Variants in PRELID2 observed in about 807,000 individuals in gnomAD.
PRELID2 encodes PRELI domain containing 2.
PRELID2 carries 25 observed loss-of-function variants against 28.4 expected under a neutral mutation model. The observed-to-expected ratio is 0.88, with a 90% confidence interval of 0.64 to 1.23. The LOEUF (loss-of-function observed/expected upper bound fraction) is 1.23, where lower values mean the gene tolerates loss of function less well. Ranked by LOEUF, PRELID2 falls within the 50% of genes most tolerant of loss-of-function variation. PRELID2 has a pLI of 0.00. For missense variants in PRELID2, 201 were observed against 214.4 expected, an observed-to-expected ratio of 0.94 and a Z score of 0.39; for synonymous variants, 76 against 71.6, an observed-to-expected ratio of 1.06 and a Z score of -0.31.
At chr5:145,342,902 T>TAAAAAAAAAAAAA in the PRELID2 span, among the ~76,000 whole-genome samples, 1 of 128,972 alleles carries the variant, frequency 7.8e-6, no homozygotes, top group Non-Finnish European at 1.7e-5. Context: ...TCAAAAACAG[T>TAAAAAAAAAAAAA]AAAAAAAAAA....
intron 1 of PRELID2, chr5:145,728,276 T>A (rs1186775368): frequency 3.8e-6 from 1 of 260,942 alleles, no homozygotes; most frequent in East Asian, 9.4e-5. Flanking sequence ...TCTGTCCCTA[T>A]GATACCTGTT....
intron 1 of PRELID2, among the ~76,000 whole-genome samples, chr5:145,714,875 T>C (rs1303041227): frequency 6.6e-6 from 1 of 152,146 alleles, no homozygotes; most frequent in Admixed American, 6.6e-5. Context: ...CTGTCTTTTT[T>C]CTGGGCTCCG....
the PRELID2 span, among the ~76,000 whole-genome samples, chr5:145,407,474 G>T: frequency 2.6e-5 from 4 of 152,154 alleles, no homozygotes; most frequent in Non-Finnish European, 5.9e-5. Flanking sequence ...AGGAGAGTCT[G>T]AGCTCAGACA....
chr5:145,824,547 C>T (rs1472490973), intron 1 of PRELID2, among the ~76,000 whole-genome samples: 13 of 151,750 alleles, frequency 8.6e-5, no homozygotes, highest in Non-Finnish European at 7.4e-5. Flanking sequence ...CCCAAAAAGA[C>T]ACTAGATTAG....
chr5:145,707,322 A>C (rs1242297812), intron 1 of PRELID2, among the ~76,000 whole-genome samples: 1 of 152,144 alleles, frequency 6.6e-6, no homozygotes, highest in Non-Finnish European at 1.5e-5. Context: ...GGACTGAAGG[A>C]AGTTGAAGGG....
the PRELID2 span, among the ~76,000 whole-genome samples, chr5:145,461,984 G>C: frequency 6.6e-6 from 1 of 152,124 alleles, no homozygotes; most frequent in Non-Finnish European, 1.5e-5. Flanking sequence ...AGATTTGGAA[G>C]GTTCATTTGT....
intron 1 of PRELID2, among the ~76,000 whole-genome samples, chr5:145,497,221 G>C (rs745445018): frequency 2.6e-5 from 4 of 152,040 alleles, no homozygotes; most frequent in Non-Finnish European, 4.4e-5. Context: ...ATTTCCCAGG[G>C]GATTCCGTTC....
At chr5:145,651,963 A>AG (rs1340615362) in intron 1 of PRELID2, among the ~76,000 whole-genome samples, 3 of 152,228 alleles carry the variant, frequency 2.0e-5, no homozygotes, top group African/African-American at 7.2e-5. Context: ...TATGAGCTAA[A>AG]GGAGGAAGTT....
At chr5:145,819,678 C>CA (rs772946091) in intron 3 of PRELID2, 117 of 563,400 alleles carry the variant, frequency 2.1e-4, no homozygotes, top group Non-Finnish European at 2.9e-4. Context: ...TCACTTCATG[C>CA]AAAATGCCAA....
intron 1 of PRELID2, among the ~76,000 whole-genome samples, chr5:145,517,151 C>T (rs1014807207): frequency 6.6e-6 from 1 of 152,054 alleles, no homozygotes; most frequent in Non-Finnish European, 1.5e-5. Flanking sequence ...TCTAATTAAA[C>T]TAAAGAGCTT....
the PRELID2 span, among the ~76,000 whole-genome samples, chr5:145,444,930 A>G: frequency 6.6e-6 from 1 of 152,250 alleles, no homozygotes; most frequent in South Asian, 2.1e-4. Flanking sequence ...TAAAAGAATT[A>G]ATATTATGAA....
chr5:145,657,563 T>C (rs996916902), intron 1 of PRELID2, among the ~76,000 whole-genome samples: 3 of 152,140 alleles, frequency 2.0e-5, no homozygotes, highest in Non-Finnish European at 4.4e-5. Context: ...CACGCACCTG[T>C]GGTCCTAGCT....
chr5:145,690,037 T>G (rs1755115439), intron 1 of PRELID2, among the ~76,000 whole-genome samples: 1 of 148,770 alleles, frequency 6.7e-6, no homozygotes, highest in Non-Finnish European at 1.5e-5. Flanking sequence ...TGGCCCAGGC[T>G]GGAGTGCAAT....
chr5:145,456,506 C>A, the PRELID2 span, among the ~76,000 whole-genome samples: 1 of 152,098 alleles, frequency 6.6e-6, no homozygotes, highest in Non-Finnish European at 1.5e-5. Flanking sequence ...CCCTGACTGC[C>A]CTTGCACCCT....
chr5:145,818,312 C>G (rs984468830), intron 3 of PRELID2, among the ~76,000 whole-genome samples: 1 of 152,192 alleles, frequency 6.6e-6, no homozygotes. Flanking sequence ...CTGCTAAACA[C>G]TAAGCAAATT....
At chr5:145,638,634 AG>A (rs1384716689) in intron 1 of PRELID2, among the ~76,000 whole-genome samples, 1 of 152,226 alleles carries the variant, frequency 6.6e-6, no homozygotes, top group African/African-American at 2.4e-5. Context: ...GGTCAGTTCA[AG>A]TACATGAATG....
the PRELID2 span, among the ~76,000 whole-genome samples, chr5:145,306,403 TAAGTC>T: frequency 1.3e-5 from 2 of 152,168 alleles, no homozygotes; most frequent in African/African-American, 4.8e-5. Flanking sequence ...AAAGTTTACT[TAAGTC>T]AATTTGATTT....
At chr5:145,354,171 A>G in the PRELID2 span, among the ~76,000 whole-genome samples, 2 of 151,376 alleles carry the variant, frequency 1.3e-5, no homozygotes, top group African/African-American at 4.9e-5. Flanking sequence ...TCCTACCTCT[A>G]GAAATAACAG....
intron 1 of PRELID2, among the ~76,000 whole-genome samples, chr5:145,602,852 G>T (rs562982768): frequency 2.0e-5 from 3 of 152,166 alleles, no homozygotes; most frequent in Admixed American, 2.0e-4. Flanking sequence ...AGGAGTTCGA[G>T]ATGAGCCTGG....
Sources: allele counts gnomAD v4.1 joint callset (sites outside exome capture counted in the v4.1 genomes callset), GRCh38; gene constraint gnomAD v4.1.1; transcripts MANE v1.5; gene names NCBI Gene and HGNC (gene_info 2026-07-23, HGNC 2026-07-21).